Variants in CASK observed in about 807,000 individuals in gnomAD.
CASK encodes the protein calcium/calmodulin dependent serine protein kinase.
A neutral mutation model predicts 82.9 loss-of-function variants in CASK; 4 were observed. That is an observed-to-expected ratio of 0.05 (90% CI 0.02 to 0.11). The LOEUF is 0.11. Among genes scored for constraint, CASK ranks in the 10% least tolerant of loss-of-function variants. CASK has a pLI of 1.00. For synonymous variants in CASK, 259 were observed against 253.5 expected (o/e 1.02, Z -0.20); for missense variants, 358 against 720.9 (o/e 0.50, Z 5.76).
chrX:41,555,924 AT>A (rs2065154742), intron 19 of CASK: 2 of 128,354 alleles, frequency 1.6e-5, no homozygotes, highest in African/African-American at 2.2e-4. Context: ...GAAACAGCCT[AT>A]TAAAAAAAAA....
chrX:41,651,738 A>G (rs1324458791), intron 8 of CASK, among the ~76,000 whole-genome samples: 2 of 111,600 alleles, frequency 1.8e-5, no homozygotes, highest in African/African-American at 6.5e-5. Flanking sequence ...GTTTTGCATA[A>G]TCTGAGGAAG....
chrX:41,625,935 C>T (rs760909242), intron 10 of CASK, among the ~76,000 whole-genome samples: 2 of 98,549 alleles, frequency 2.0e-5, no homozygotes, highest in East Asian at 3.1e-4. Context: ...CAGGCCAGCA[C>T]GCCTGGCTTT....
chrX:41,793,532 C>T (rs749151813), intron 2 of CASK, among the ~76,000 whole-genome samples: 5 of 111,843 alleles, frequency 4.5e-5, no homozygotes, highest in South Asian at 3.7e-4. Flanking sequence ...CTAGATACTG[C>T]GCTTTTCCTA....
chrX:41,701,537 C>T (rs775273474), intron 5 of CASK, among the ~76,000 whole-genome samples: 10 of 111,810 alleles, frequency 8.9e-5, no homozygotes, highest in South Asian at 7.4e-4. Context: ...TCAACTCAGA[C>T]GAGAGATAAA....
At chrX:41,762,513 T>G (rs1191219166) in intron 3 of CASK, among the ~76,000 whole-genome samples, 1 of 111,700 alleles carries the variant, frequency 9.0e-6, no homozygotes, top group East Asian at 2.8e-4. Context: ...AAATTAGCAA[T>G]TTTCTTCTCC....
chrX:41,730,868 A>C (rs2068383340), intron 5 of CASK, among the ~76,000 whole-genome samples: 1 of 110,517 alleles, frequency 9.0e-6, no homozygotes, highest in East Asian at 2.8e-4. Context: ...ATGCCCGGCT[A>C]ATTTTTGTTA....
intron 2 of CASK, among the ~76,000 whole-genome samples, chrX:41,847,847 C>T (rs755991410): frequency 1.8e-5 from 2 of 111,557 alleles, no homozygotes; most frequent in South Asian, 7.5e-4. Context: ...TAGGGCATAC[C>T]TTCAACACTC....
chrX:41,579,846 T>C (rs1047132244), intron 14 of CASK, among the ~76,000 whole-genome samples: 1 of 111,412 alleles, frequency 9.0e-6, no homozygotes. Flanking sequence ...AAGGTAACAA[T>C]CTGGTAAAAT....
intron 1 of CASK, among the ~76,000 whole-genome samples, chrX:41,910,269 G>A (rs977596345): frequency 3.6e-5 from 4 of 110,467 alleles, no homozygotes; most frequent in Non-Finnish European, 5.7e-5. Context: ...AATAATATAC[G>A]TAAGGTAGTT....
chrX:41,698,742 C>A (rs1569406049), intron 5 of CASK, among the ~76,000 whole-genome samples: 2 of 111,230 alleles, frequency 1.8e-5, no homozygotes, highest in African/African-American at 3.3e-5. Flanking sequence ...CATCTTAGGA[C>A]AAACTCCAAG....
chrX:41,696,088 G>A, intron 5 of CASK: 1 of 1,202,404 alleles, frequency 8.3e-7, no homozygotes, highest in Non-Finnish European at 1.1e-6. Flanking sequence ...AGTTTGGATC[G>A]CTATATAAAA....
intron 1 of CASK, among the ~76,000 whole-genome samples, chrX:41,921,504 T>C (rs947581831): frequency 8.0e-5 from 9 of 112,289 alleles, no homozygotes; most frequent in African/African-American, 2.9e-4. Context: ...AAATTTTAAA[T>C]TACAAATGTG....
intron 1 of CASK, among the ~76,000 whole-genome samples, chrX:41,871,038 C>T (rs2148008062): frequency 8.9e-6 from 1 of 112,062 alleles, no homozygotes; most frequent in Admixed American, 9.4e-5. Context: ...CTCTTATCTA[C>T]AGGTTGTAGG....
chrX:41,586,076 G>T (rs2065655063), intron 14 of CASK: 1 of 111,509 alleles, frequency 9.0e-6, no homozygotes, highest in Admixed American at 9.6e-5. Context: ...CTTGAACCTG[G>T]AAGGCGGAGA....
intron 2 of CASK, among the ~76,000 whole-genome samples, chrX:41,825,583 T>C (rs2070646774): frequency 8.9e-6 from 1 of 112,385 alleles, no homozygotes. Context: ...CTGCCTATTA[T>C]GATGAAATCA....
At chrX:41,823,284 C>A (rs998693284) in intron 2 of CASK, among the ~76,000 whole-genome samples, 1 of 108,752 alleles carries the variant, frequency 9.2e-6, no homozygotes, top group Non-Finnish European at 1.9e-5. Flanking sequence ...GCCCACCCTC[C>A]ACCTGCTGCC....
At chrX:41,598,658 G>A (rs1281430334) in intron 12 of CASK, among the ~76,000 whole-genome samples, 1 of 111,898 alleles carries the variant, frequency 8.9e-6, no homozygotes, top group East Asian at 2.8e-4. Flanking sequence ...CATGGCACCC[G>A]GCTGGAAGAA....
intron 10 of CASK, among the ~76,000 whole-genome samples, chrX:41,624,502 T>TG (rs768284600): frequency 8.9e-6 from 1 of 112,508 alleles, no homozygotes; most frequent in East Asian, 2.8e-4. Context: ...GTATAACTGC[T>TG]GGAATGGGAA....
At chrX:41,530,786 T>C (rs1282512434) in intron 25 of CASK, among the ~76,000 whole-genome samples, 1 of 112,525 alleles carries the variant, frequency 8.9e-6, no homozygotes, top group East Asian at 2.8e-4. Context: ...CTTAAGAGAA[T>C]AATCTCTGCT....
Sources: gnomAD v4.1 joint callset for allele counts (sites outside exome capture counted in the v4.1 genomes callset) on GRCh38, gnomAD v4.1.1 for gene constraint, MANE v1.5 for transcripts, NCBI Gene and HGNC (gene_info 2026-07-23, HGNC 2026-07-21) for gene names.